The following PITPNC1 variants were observed in gnomAD, a reference collection of about 807,000 sequenced individuals.
The protein encoded by PITPNC1 is cytoplasmic phosphatidylinositol transfer protein 1.
In PITPNC1, 18 loss-of-function variants were observed where a neutral mutation model predicts 44.7. That is an observed-to-expected ratio of 0.40 (90% CI 0.28 to 0.60). The LOEUF is 0.60. PITPNC1 is among the 20% of genes least tolerant of loss of function. The pLI, the probability that PITPNC1 is intolerant of heterozygous loss-of-function variation, is 0.39. For missense variants in PITPNC1, 290 were observed against 418.4 expected (o/e 0.69, Z 2.68); for synonymous variants, 141 against 149.6 (o/e 0.94, Z 0.42).
chr17:67,603,802 T>C (rs1333908451), intron 5 of PITPNC1, among the ~76,000 whole-genome samples: 1 of 151,984 alleles, frequency 6.6e-6, no homozygotes, highest in Non-Finnish European at 1.5e-5. Context: ...TGGTGGTGCA[T>C]GCTTGTAATC....
Position 67,425,242 on chromosome 17 carries a change from CACACACACACACACACACACAGAG to C in PITPNC1, c.48+47041_48+47064del, listed in dbSNP as rs1187185277. On this transcript the variant is annotated intron_variant, in intron 1 of 8. Coordinates refer to ENST00000581322, the MANE Select transcript of PITPNC1 (RefSeq NM_012417.4). ...ACACACACACACACACACACACACA[CACACACACACACACACACACAGAG>C]GGAGAGAGAGAGAGAAATGACCTCT... Among the ~76,000 whole-genome samples, 3 of 116,124 alleles carry C rather than the reference CACACACACACACACACACACAGAG, an allele frequency of 2.6e-5. 1 individual carries two copies. Among genetic ancestry groups the C allele is most frequent in the South Asian group, 2.8e-4 (1 of 3,594 alleles). The allele number at this position is 116,124 out of a possible 152,430, so 76.2% of individuals were successfully genotyped here.
intron 1 of PITPNC1, among the ~76,000 whole-genome samples, chr17:67,517,392 GTTACCA>G (rs1387900700): frequency 3.3e-5 from 5 of 152,180 alleles, no homozygotes; most frequent in Admixed American, 3.3e-4. Flanking sequence ...CAAACATGTT[GTTACCA>G]TGTGACCCAG....
At chr17:67,432,761 G>A (rs2038875453) in intron 1 of PITPNC1, among the ~76,000 whole-genome samples, 1 of 152,162 alleles carries the variant, frequency 6.6e-6, no homozygotes, top group Non-Finnish European at 1.5e-5. Flanking sequence ...GATTTCCTGA[G>A]TGATCTTTGT....
At chr17:67,671,274 A>G (rs539432139) in intron 7 of PITPNC1, among the ~76,000 whole-genome samples, 27 of 152,310 alleles carry the variant, frequency 1.8e-4, no homozygotes, top group Middle Eastern at 3.4e-3. Flanking sequence ...CATGGGAGAA[A>G]AAAATGGGAA....
At chr17:67,452,516 GT>G (rs576299890) in intron 1 of PITPNC1, among the ~76,000 whole-genome samples, 336 of 139,844 alleles carry the variant, frequency 2.4e-3, no homozygotes, top group African/African-American at 6.3e-3. Context: ...AATTGCTGGG[GT>G]TTTTTTTTTT....
chr17:67,457,742 TG>T (rs1298569128), intron 1 of PITPNC1: 1 of 151,116 alleles, frequency 6.6e-6, no homozygotes, highest in African/African-American at 2.5e-5. Context: ...GCCTCAGTCC[TG>T]TGTGCATGGA....
intron 1 of PITPNC1, among the ~76,000 whole-genome samples, chr17:67,407,453 G>T (rs562557325): frequency 6.6e-6 from 1 of 151,966 alleles, no homozygotes; most frequent in Non-Finnish European, 1.5e-5. Flanking sequence ...CCATTCTGTG[G>T]TTTGTCTTTT....
intron 1 of PITPNC1, chr17:67,379,342 G>T: frequency 1.0e-6 from 1 of 985,482 alleles, no homozygotes; most frequent in Non-Finnish European, 1.2e-6. Context: ...CTGAGAACAT[G>T]GCTGAGCTCA....
chr17:67,489,688 C>T (rs2039834501), intron 1 of PITPNC1, among the ~76,000 whole-genome samples: 1 of 152,066 alleles, frequency 6.6e-6, no homozygotes, highest in South Asian at 2.1e-4. Context: ...TTACTGAACC[C>T]GAACCTTTTC....
At chr17:67,497,826 C>G (rs909195320) in intron 1 of PITPNC1, among the ~76,000 whole-genome samples, 1 of 150,744 alleles carries the variant, frequency 6.6e-6, no homozygotes, top group Non-Finnish European at 1.5e-5. Context: ...CCATGCCCAG[C>G]CTGTTTAGGT....
intron 1 of PITPNC1, among the ~76,000 whole-genome samples, chr17:67,482,281 C>A (rs1203701832): frequency 6.6e-6 from 1 of 151,974 alleles, no homozygotes; most frequent in East Asian, 1.9e-4. Context: ...GGTTTTAAAG[C>A]TTTTTAATAT....
At chr17:67,652,085 C>T (rs753748954) in intron 6 of PITPNC1, among the ~76,000 whole-genome samples, 26 of 152,188 alleles carry the variant, frequency 1.7e-4, no homozygotes, top group Non-Finnish European at 3.8e-4. Context: ...TCCTGCTTAG[C>T]CTTTTTTCAT....
intron 4 of PITPNC1, among the ~76,000 whole-genome samples, chr17:67,555,672 CAAAA>C (rs67935513): frequency 1.2e-3 from 92 of 78,152 alleles, no homozygotes; most frequent in African/African-American, 3.4e-3. Context: ...ACTAAAAATA[CAAAA>C]AAAAAAAAAA....
At chr17:67,437,715 C>G (rs1006760913) in intron 1 of PITPNC1, among the ~76,000 whole-genome samples, 1 of 152,092 alleles carries the variant, frequency 6.6e-6, no homozygotes, top group African/African-American at 2.4e-5. Flanking sequence ...ACCAGGAACT[C>G]AAAGGAGCTC....
At chr17:67,468,800 G>A (rs1033536714) in intron 1 of PITPNC1, among the ~76,000 whole-genome samples, 3 of 150,792 alleles carry the variant, frequency 2.0e-5, no homozygotes, top group African/African-American at 4.9e-5. Context: ...AGGTTCAAGC[G>A]ATTCTCCTGC....
chr17:67,383,906 G>T (rs977813175), intron 1 of PITPNC1, among the ~76,000 whole-genome samples: 5 of 151,872 alleles, frequency 3.3e-5, no homozygotes, highest in Admixed American at 3.3e-4. Flanking sequence ...GCGTGGTGGC[G>T]CATGCCTGTA....
chr17:67,430,680 G>T (rs568231522), intron 1 of PITPNC1, among the ~76,000 whole-genome samples: 1 of 151,016 alleles, frequency 6.6e-6, no homozygotes, highest in Admixed American at 6.6e-5. Flanking sequence ...ACAGCTGGGC[G>T]TGGTGGTGCA....
At chr17:67,456,545 TTCTC>T (rs2039257495) in intron 1 of PITPNC1, among the ~76,000 whole-genome samples, 1 of 152,150 alleles carries the variant, frequency 6.6e-6, no homozygotes, top group African/African-American at 2.4e-5. Flanking sequence ...TTTTCTCTTT[TTCTC>T]TCTACTAGCT....
At chr17:67,529,808 C>T (rs2040436929) in intron 1 of PITPNC1, among the ~76,000 whole-genome samples, 3 of 152,026 alleles carry the variant, frequency 2.0e-5, no homozygotes, top group Admixed American at 6.5e-5. Context: ...TTAGTCGGGT[C>T]GTAGCGGCGT....
Sources: gnomAD v4.1 joint callset for allele counts (sites outside exome capture counted in the v4.1 genomes callset) on GRCh38, gnomAD v4.1.1 for gene constraint, MANE v1.5 for transcripts, NCBI Gene and HGNC (gene_info 2026-07-23, HGNC 2026-07-21) for gene names.